TMEM132C: variants seen among roughly 807,000 people sequenced by gnomAD.
TMEM132C encodes protein phosphatase 1, regulatory subunit 152.
A neutral mutation model predicts 61.4 loss-of-function variants in TMEM132C; 29 were observed. That is an observed-to-expected ratio of 0.47 (90% confidence interval 0.35 to 0.64). The LOEUF (loss-of-function observed/expected upper bound fraction) is 0.64. Ranked by LOEUF, TMEM132C falls within the 30% of genes least tolerant of loss-of-function variation. TMEM132C has a pLI of 0.00. For missense variants in TMEM132C, 1,408 were observed against 1,476.9 expected (o/e 0.95, Z 0.76); for synonymous variants, 656 against 633.1 (o/e 1.04, Z -0.54).
At chr12:128,394,189 T>G (rs2136003067) in intron 1 of TMEM132C, among the ~76,000 whole-genome samples, 1 of 152,146 alleles carries the variant, frequency 6.6e-6, no homozygotes, top group African/African-American at 2.4e-5. Context: ...CTCATGAGAC[T>G]TACTACCATG....
At chr12:128,382,211 A>G (rs960773164) in intron 1 of TMEM132C, among the ~76,000 whole-genome samples, 1 of 152,188 alleles carries the variant, frequency 6.6e-6, no homozygotes, top group African/African-American at 2.4e-5. Flanking sequence ...CGTATTGTGT[A>G]CATACAGCTT....
At chr12:128,611,047 T>C (rs943198840) in intron 3 of TMEM132C, among the ~76,000 whole-genome samples, 2 of 152,232 alleles carry the variant, frequency 1.3e-5, no homozygotes, top group Non-Finnish European at 2.9e-5. Context: ...TGATGCTTGC[T>C]GGCATCAAGT....
intron 1 of TMEM132C, among the ~76,000 whole-genome samples, chr12:128,280,159 TATTAAAGGTCTCTAGCTGAG>T (rs1443797431): frequency 1.3e-5 from 2 of 152,224 alleles, no homozygotes; most frequent in Non-Finnish European, 2.9e-5. Context: ...GCCACCATTT[TATTAAAGGTCTCTAGCTGAG>T]AATGGAGCCT....
chr12:128,532,769 G>A (rs1234915245), intron 2 of TMEM132C, among the ~76,000 whole-genome samples: 1 of 151,954 alleles, frequency 6.6e-6, no homozygotes, highest in African/African-American at 2.4e-5. Context: ...CCTGATCCTA[G>A]GGAAATCCAC....
chr12:128,491,707 A>G (rs1487347106), intron 2 of TMEM132C, among the ~76,000 whole-genome samples: 1 of 151,936 alleles, frequency 6.6e-6, no homozygotes, highest in Admixed American at 6.6e-5. Flanking sequence ...CTCTTTGGCT[A>G]CCGCTCCTTG....
rs888702805 is a variant in TMEM132C at position 128,496,061 on chromosome 12, G to A, written c.975-47896G>A. 9.9e-5 allele frequency among the ~76,000 whole-genome samples: 15 copies of A among 151,846 alleles called. No homozygotes were observed. In the South Asian group the frequency reaches 1.5e-3, roughly 15 times the overall value. On this transcript the variant is annotated intron_variant, in intron 2 of 8. Transcript: ENST00000435159. ...AAAATCTCTCAGCATTTGCTTGTCT[G>A]TAAAGTATTTTATTTCTCCTTCACT...
intron 1 of TMEM132C, among the ~76,000 whole-genome samples, chr12:128,336,721 T>G (rs963060156): frequency 6.6e-6 from 1 of 152,124 alleles, no homozygotes; most frequent in Non-Finnish European, 1.5e-5. Flanking sequence ...GGAGACACAC[T>G]AGTTGAAGTG....
At chr12:128,578,589 TTTGTTGTTG>T (rs149602264) in intron 3 of TMEM132C, among the ~76,000 whole-genome samples, 1 of 151,916 alleles carries the variant, frequency 6.6e-6, no homozygotes, top group African/African-American at 2.4e-5. Context: ...TAAAGAGGTT[TTTGTTGTTG>T]TTGTTGTTGT....
intron 2 of TMEM132C, among the ~76,000 whole-genome samples, chr12:128,513,965 T>C (rs181350755): frequency 3.7e-4 from 56 of 152,142 alleles, no homozygotes; most frequent in Non-Finnish European, 1.3e-4. Flanking sequence ...GTAGGGAGGG[T>C]GGCATCGCCT....
chr12:128,284,257 C>CT (rs1372589155), intron 1 of TMEM132C, among the ~76,000 whole-genome samples: 5 of 152,206 alleles, frequency 3.3e-5, no homozygotes, highest in Non-Finnish European at 5.9e-5. Flanking sequence ...GATACAGCAT[C>CT]TAAACAGTCA....
At chr12:128,436,739 G>T (rs1368283576) in intron 2 of TMEM132C, among the ~76,000 whole-genome samples, 1 of 152,002 alleles carries the variant, frequency 6.6e-6, no homozygotes, top group African/African-American at 2.4e-5. Flanking sequence ...ACAGTGTGGC[G>T]ATTCCTCAAG....
At chr12:128,392,548 A>T (rs1416181112) in intron 1 of TMEM132C, among the ~76,000 whole-genome samples, 1 of 152,132 alleles carries the variant, frequency 6.6e-6, no homozygotes, top group African/African-American at 2.4e-5. Context: ...CAGGTGAAGG[A>T]TGGGGAGGAG....
chr12:128,392,064 TTCTCTCTCTCTCTC>T (rs34334973), intron 1 of TMEM132C, among the ~76,000 whole-genome samples: 12 of 130,534 alleles, frequency 9.2e-5, no homozygotes, highest in Non-Finnish European at 7.9e-5. Flanking sequence ...CTCTCTCTCT[TTCTCTCTCTCTCTC>T]TCTCTCTCTC....
chr12:128,510,195 T>C (rs947029230), intron 2 of TMEM132C, among the ~76,000 whole-genome samples: 3 of 152,202 alleles, frequency 2.0e-5, no homozygotes, highest in African/African-American at 7.2e-5. Flanking sequence ...TTTATCTACT[T>C]TGAGGAGGCC....
At chr12:128,368,017 A>G (rs953747984) in intron 1 of TMEM132C, among the ~76,000 whole-genome samples, 4 of 152,192 alleles carry the variant, frequency 2.6e-5, no homozygotes, top group Non-Finnish European at 4.4e-5. Flanking sequence ...AAAGGACATT[A>G]TCAGAGCTCT....
intron 8 of TMEM132C, 146 bp from the exon 9 acceptor site, chr12:128,704,944 C>G: frequency 2.3e-6 from 2 of 863,352 alleles, no homozygotes; most frequent in Non-Finnish European, 3.4e-6. Context: ...TGATAGAAAA[C>G]CTGTATGATT....
intron 5 of TMEM132C, among the ~76,000 whole-genome samples, chr12:128,684,905 T>C (rs1424843971): frequency 6.6e-6 from 1 of 152,170 alleles, no homozygotes; most frequent in East Asian, 1.9e-4. Context: ...CTCTGGCCAC[T>C]GCAAGGGAAG....
intron 1 of TMEM132C, among the ~76,000 whole-genome samples, chr12:128,387,156 A>G (rs1488875827): frequency 1.3e-5 from 2 of 151,698 alleles, no homozygotes; most frequent in Admixed American, 6.6e-5. Context: ...AAAAAAAAAA[A>G]AAAAAGAAAC....
At chr12:128,344,589 C>CA (rs1873089454) in intron 1 of TMEM132C, among the ~76,000 whole-genome samples, 1 of 152,156 alleles carries the variant, frequency 6.6e-6, no homozygotes, top group African/African-American at 2.4e-5. Context: ...GCCATAAGAG[C>CA]AATGAAAGAG....
Sources: allele counts gnomAD v4.1 joint callset (sites outside exome capture counted in the v4.1 genomes callset), GRCh38; gene constraint gnomAD v4.1.1; transcripts MANE v1.5; gene names NCBI Gene and HGNC (gene_info 2026-07-23, HGNC 2026-07-21).